Variants in GPALPP1 observed in about 807,000 individuals in gnomAD.
GPALPP1 encodes the protein GPALPP motifs-containing protein 1.
Under a neutral mutation model 38.9 loss-of-function variants are expected in GPALPP1, and 30 were observed. That is an observed-to-expected ratio of 0.77 (90% CI 0.58 to 1.05). GPALPP1 has a LOEUF of 1.05. Ranked by LOEUF, GPALPP1 falls within the 50% of genes least tolerant of loss-of-function variation. The pLI, the probability that GPALPP1 is intolerant of heterozygous loss-of-function variation, is 0.00. For synonymous variants in GPALPP1, 120 were observed against 139.2 expected, an observed-to-expected ratio of 0.86 and a Z score of 0.97; for missense variants, 384 against 408.8, an observed-to-expected ratio of 0.94 and a Z score of 0.52.
Position 45,029,416 on chromosome 13 carries a change from A to G in GPALPP1, c.*1413A>G, listed in dbSNP as rs980069424. 6.6e-6 allele frequency: 1 copy of G among 152,234 alleles called. No homozygotes were observed. The highest frequency in any genetic ancestry group is 1.5e-5 in the Non-Finnish European group (1 of 68,042). The allele number at this position is 152,234 out of a possible 1,614,324, so 9.4% of individuals were successfully genotyped here. ...AACATAAAACGAATGTTTTTTATGT[A>G]GAACAGAATATTCTATGTGCCTTTA... On this transcript the variant is annotated 3_prime_UTR_variant, in exon 8 of 8. Transcript: ENST00000379151.
intron 6 of GPALPP1, among the ~76,000 whole-genome samples, chr13:45,016,929 G>T (rs1244754779): frequency 2.6e-5 from 4 of 151,092 alleles, no homozygotes; most frequent in African/African-American, 9.8e-5. Flanking sequence ...GCTGTGCGCA[G>T]CCTCTCTCTA....
At chr13:45,018,492 G>A (rs1875041106) in intron 6 of GPALPP1, among the ~76,000 whole-genome samples, 1 of 151,744 alleles carries the variant, frequency 6.6e-6, no homozygotes, top group Non-Finnish European at 1.5e-5. Flanking sequence ...TTCCAGTCTT[G>A]ACGATATCTA....
At position 45,000,109 on chromosome 13, in the gene GPALPP1, C is replaced by T. The variant is rs143443558; in HGVS notation, c.89-4196C>T. On this transcript the variant is annotated intron_variant, in intron 1 of 7. Coordinates refer to ENST00000379151, the MANE Select transcript of GPALPP1 (RefSeq NM_018559.5). Reference sequence around the variant, plus strand: ...ATATCTCGTTTGTTTCTTTAAAAATCCATGGCAATTTTTTAGTTGTAATAG... The same window carrying T: ...ATATCTCGTTTGTTTCTTTAAAAATTCATGGCAATTTTTTAGTTGTAATAG... Among the ~76,000 whole-genome samples the T allele has an allele frequency of 3.9e-5, 6 of 152,120 alleles. No individual in the cohort carries two copies. In the East Asian group the frequency reaches 1.2e-3, roughly 29 times the overall value.
rs375918263 is a variant in GPALPP1, at chr13:45,027,815, A to G, written c.835A>G (p.Ile279Val). 2 of 1,581,340 alleles carry G rather than the reference A, an allele frequency of 1.3e-6. No homozygotes were observed. The highest frequency in any genetic ancestry group is 1.7e-5 in the Admixed American group (1 of 59,912). Reference protein sequence around the residue: ...ESKRSESLMDIHHKKLKSKAA... With the variant: ...ESKRSESLMDVHHKKLKSKAA... ...AAAAAGATCAGAATCTCTTATGGAC[A>G]TACATCATAAAAAGTTAAAGAGTAA... Residue 279 changes from isoleucine to valine, a missense_variant, in exon 8 of 8, where the codon ATA (isoleucine) becomes GTA (valine). Ile to Val is a conservative substitution (Grantham distance 29, BLOSUM62 3). Transcript: ENST00000379151.
At chr13:45,020,634 A>G (rs1348604186) in intron 7 of GPALPP1, among the ~76,000 whole-genome samples, 1 of 150,710 alleles carries the variant, frequency 6.6e-6, no homozygotes, top group African/African-American at 2.4e-5. Context: ...TCCCTGCCTA[A>G]TGTCTCAAAA....
chr13:45,019,213 T>C (rs960577184), intron 6 of GPALPP1, among the ~76,000 whole-genome samples: 1 of 150,500 alleles, frequency 6.6e-6, no homozygotes, highest in African/African-American at 2.5e-5. Context: ...AGTGGCACCA[T>C]CTCAGTTCAA....
intron 1 of GPALPP1, among the ~76,000 whole-genome samples, chr13:44,995,951 A>G (rs1373353101): frequency 6.6e-6 from 1 of 152,098 alleles, no homozygotes; most frequent in Non-Finnish European, 1.5e-5. Context: ...TTGCCCCACT[A>G]AACCATGAGG....
intron 1 of GPALPP1, among the ~76,000 whole-genome samples, chr13:44,993,704 G>C (rs1323280670): frequency 2.0e-5 from 3 of 151,272 alleles, no homozygotes; most frequent in Admixed American, 1.3e-4. Flanking sequence ...AAAATTTGAG[G>C]AACTAGCATA....
At chr13:44,992,142 G>A (rs1011060192) in intron 1 of GPALPP1, among the ~76,000 whole-genome samples, 2 of 152,202 alleles carry the variant, frequency 1.3e-5, no homozygotes, top group African/African-American at 4.8e-5. Flanking sequence ...GAGAATTCTA[G>A]TTGTTCCACA....
intron 7 of GPALPP1, among the ~76,000 whole-genome samples, chr13:45,020,718 TTC>T (rs771740797): frequency 1.6e-4 from 24 of 152,172 alleles, no homozygotes; most frequent in African/African-American, 2.4e-4. Context: ...GTTTATTTTT[TTC>T]TCTTTTACTT....
intron 2 of GPALPP1, chr13:45,005,086 C>CTTTTTTTTTTTTTTTTTTTTTT (rs71759613): frequency 1.7e-5 from 1 of 57,530 alleles, no homozygotes. Flanking sequence ...TAATGGTTTT[C>CTTTTTTTTTTTTTTTTTTTTTT]TTTTTTTTTT....
intron 1 of GPALPP1, among the ~76,000 whole-genome samples, chr13:45,001,448 T>C (rs1422936163): frequency 6.6e-6 from 1 of 152,206 alleles, no homozygotes; most frequent in African/African-American, 2.4e-5. Flanking sequence ...TTTTTAAGGC[T>C]GTATGAAACT....
rs78642202 is a variant in GPALPP1, at chr13:44,991,779, C to T, written c.88+2037C>T. ...CCTACAACCAGAGGGTAACTGCTTC[C>T]TTGATTTATAGCATCACAGATTCGT... is the stretch of plus-strand genomic sequence containing the variant. On this transcript the variant is annotated intron_variant, in intron 1 of 7. Coordinates refer to ENST00000379151, the MANE Select transcript of GPALPP1 (RefSeq NM_018559.5). 8.2e-3 allele frequency among the ~76,000 whole-genome samples: 1,243 copies of T among 152,278 alleles called. 16 individuals carry two copies. Among genetic ancestry groups the T allele is most frequent in the African/African-American group, 0.028 (1,182 of 41,556 alleles).
chr13:45,003,231 A>C (rs1370902729), intron 1 of GPALPP1, among the ~76,000 whole-genome samples: 1 of 152,202 alleles, frequency 6.6e-6, no homozygotes, highest in Non-Finnish European at 1.5e-5. Context: ...AATAGAAATA[A>C]TATCTCCCTT....
intron 6 of GPALPP1, among the ~76,000 whole-genome samples, chr13:45,018,976 A>C (rs55875347): frequency 2.0e-5 from 1 of 49,616 alleles, no homozygotes; most frequent in Non-Finnish European, 5.5e-5. Context: ...TATACATATA[A>C]ATATATATAC....
chr13:45,014,857 GATA>G, intron 4 of GPALPP1, 92 bp from the exon 5 acceptor site: 1 of 987,446 alleles, frequency 1.0e-6, no homozygotes, highest in South Asian at 2.2e-5. Context: ...ATTTTTTATG[GATA>G]ATAAGTTTCA....
intron 6 of GPALPP1, among the ~76,000 whole-genome samples, chr13:45,017,336 T>G (rs1420441556): frequency 1.3e-5 from 2 of 152,120 alleles, no homozygotes; most frequent in African/African-American, 4.8e-5. Context: ...GTCCTAAGAT[T>G]AAAGAGAATC....
At chr13:45,023,474 C>T (rs527913945) in intron 7 of GPALPP1, among the ~76,000 whole-genome samples, 2 of 152,232 alleles carry the variant, frequency 1.3e-5, no homozygotes, top group African/African-American at 4.8e-5. Flanking sequence ...ACATTGAAAC[C>T]TGACATCTTT....
chr13:44,989,621 G>A lies in GPALPP1; in HGVS notation c.-34G>A, dbSNP rs374971256. 6.4e-6 allele frequency: 10 copies of A among 1,571,114 alleles called. No homozygotes were observed. The African/African-American group carries it at 1.4e-4, about 21-fold the overall frequency. On this transcript the variant is annotated 5_prime_UTR_variant, in exon 1 of 8. Transcript: ENST00000379151. ...TGGATAGGGTTGACGTTCGTGGATA[G>A]ACTCATATCTGTGACCAGTGTCCGC...
Sources: allele counts gnomAD v4.1 joint callset (sites outside exome capture counted in the v4.1 genomes callset), GRCh38; gene constraint gnomAD v4.1.1; transcripts MANE v1.5; gene names NCBI Gene and HGNC (gene_info 2026-07-23, HGNC 2026-07-21).